The following FGD5 variants were observed in gnomAD, a reference collection of about 807,000 sequenced individuals.
FGD5 encodes the protein FYVE, RhoGEF and PH domain containing 5.
A neutral mutation model predicts 133.4 loss-of-function variants in FGD5; 28 were observed. The ratio of observed to expected loss-of-function variants is 0.21; its 90% CI spans 0.16 to 0.29. FGD5 has a LOEUF of 0.29. Ranked by LOEUF, FGD5 falls within the 10% of genes least tolerant of loss-of-function variation. The pLI is 1.00. For missense variants in FGD5, 1,858 were observed against 1,895.2 expected (o/e 0.98, Z 0.36); for synonymous variants, 810 against 776.5 (o/e 1.04, Z -0.72).
chr3:14,820,775 G>T lies in FGD5; in HGVS notation c.1704G>T (p.Gly568=), dbSNP rs775922938. Residue 568 remains glycine, a synonymous_variant, in exon 1 of 20, where the codon GGG becomes GGT. Coordinates refer to ENST00000285046, the MANE Select transcript of FGD5 (RefSeq NM_152536.4). Reference sequence around the variant, plus strand: ...TGTCCGTGTACCAGGAGCCTGAGGGGTCAGGGTTGGATGACCACAGGATAA... The same window carrying T: ...TGTCCGTGTACCAGGAGCCTGAGGGTTCAGGGTTGGATGACCACAGGATAA... ...IPVSVYQEPE[G]SGLDDHRIKR... 7 of 1,613,746 alleles carry T rather than the reference G, an allele frequency of 4.3e-6. No individual in the cohort carries two copies. Among genetic ancestry groups the T allele is most frequent in the Non-Finnish European group, 5.9e-6 (7 of 1,179,808 alleles).
intron 17 of FGD5, among the ~76,000 whole-genome samples, chr3:14,925,373 C>T (rs1046346845): frequency 2.6e-5 from 4 of 152,106 alleles, no homozygotes; most frequent in Non-Finnish European, 4.4e-5. Flanking sequence ...TCTTAGAGAT[C>T]ATTTCATAAT....
In FGD5 at chr3:14,910,909, C is replaced by G; in HGVS notation, c.3385C>G (p.Arg1129Gly). The G allele has an allele frequency of 6.2e-7, 1 of 1,613,062 alleles. No homozygotes were observed. The highest frequency in any genetic ancestry group is 8.5e-7 in the Non-Finnish European group (1 of 1,179,462). The stretch of plus-strand genomic sequence containing the variant: ...GATGAAAGTAACAGGGAAAAACAGA[C>G]GGCCCCGGCACCTATTTCTGGTAAG... ...TLMKVTGKNR[R>G]PRHLFLMNDV... is the part of the protein sequence containing the mutation. The change falls in exon 11 of 20, where the codon CGG becomes GGG. Residue 1129 changes from arginine (R) to glycine (G), a missense_variant. Physicochemically the swap from Arg to Gly is moderately radical, Grantham distance 125. Around this residue, in one of 3 missense-constraint regions of FGD5, gnomAD observed 1,824 missense variants for 1,848.9 expected, o/e 0.99. Coordinates refer to ENST00000285046, the MANE Select transcript of FGD5 (RefSeq NM_152536.4).
intron 1 of FGD5, among the ~76,000 whole-genome samples, chr3:14,841,561 CT>C (rs34268022): frequency 5.6e-4 from 79 of 140,858 alleles, no homozygotes; most frequent in Non-Finnish European, 5.1e-4. Flanking sequence ...AAGGATCAGG[CT>C]TTTTTTTTTT....
chr3:14,871,699 G>T (rs367722187), intron 2 of FGD5, among the ~76,000 whole-genome samples: 5 of 152,306 alleles, frequency 3.3e-5, no homozygotes, highest in South Asian at 2.1e-4. Context: ...GAGGTCCTTG[G>T]GGGGCTTGAA....
Position 14,821,265 on chromosome 3 carries a change from G to T in FGD5, c.2194G>T (p.Gly732Cys), listed in dbSNP as rs1029149547. 9.9e-6 allele frequency: 16 copies of T among 1,613,834 alleles called. No homozygotes were observed. The highest frequency in any genetic ancestry group is 1.3e-5 in the Non-Finnish European group (15 of 1,179,898). The change falls in exon 1 of 20, where the codon GGT becomes TGT. Residue 732 changes from glycine (G) to cysteine (C), a missense_variant. This residue lies in a region of FGD5 where 1,824 missense variants were observed against 1,848.9 expected (regional missense o/e 0.99). Coordinates refer to ENST00000285046, the MANE Select transcript of FGD5 (RefSeq NM_152536.4). ...LIFYRDGKRKGVPFSRTVSRV... is the reference protein window; with the variant it reads ...LIFYRDGKRKCVPFSRTVSRV... ...CTTTTATAGAGATGGCAAGAGGAAA[G>T]GTGTCCCCTTCAGCAGGACGGTGTC... is the stretch of plus-strand genomic sequence containing the variant.
At chr3:14,860,645 T>C (rs1008066214) in intron 1 of FGD5, among the ~76,000 whole-genome samples, 3 of 152,130 alleles carry the variant, frequency 2.0e-5, no homozygotes, top group Admixed American at 2.0e-4. Context: ...GTCAAACACG[T>C]TATTATAATT....
intron 1 of FGD5, among the ~76,000 whole-genome samples, chr3:14,830,751 G>A (rs1035004646): frequency 6.6e-6 from 1 of 152,170 alleles, no homozygotes; most frequent in Non-Finnish European, 1.5e-5. Flanking sequence ...ATGGGGATGA[G>A]GCTGTCAGGC....
intron 1 of FGD5, among the ~76,000 whole-genome samples, chr3:14,854,171 T>C (rs1233183166): frequency 6.6e-6 from 1 of 152,042 alleles, no homozygotes; most frequent in African/African-American, 2.4e-5. Context: ...AGTGACTCTT[T>C]TCTGTGTGAT....
intron 1 of FGD5, among the ~76,000 whole-genome samples, chr3:14,823,537 C>T (rs1353030283): frequency 6.6e-6 from 1 of 152,144 alleles, no homozygotes; most frequent in Non-Finnish European, 1.5e-5. Context: ...AGTTTTATAG[C>T]TGGAGGAAAC....
chr3:14,871,206 C>T (rs1444720583), intron 2 of FGD5, among the ~76,000 whole-genome samples: 2 of 152,188 alleles, frequency 1.3e-5, no homozygotes, highest in Non-Finnish European at 2.9e-5. Context: ...TGTTTTCTTG[C>T]CCATCGTTTG....
chr3:14,886,292 G>A lies in FGD5; in HGVS notation c.2748+5520G>A, dbSNP rs561956763. Among the ~76,000 whole-genome samples, 3 of 152,256 alleles carry A rather than the reference G, an allele frequency of 2.0e-5. No homozygotes were observed. In the East Asian group the frequency reaches 5.8e-4, roughly 29 times the overall value. On this transcript the variant is annotated intron_variant, in intron 4 of 19. Transcript: ENST00000285046. ...TCAAACTTCTCCTTTCATCTCCTTGGGTACTCCTAGTTGCAGAGGAAGCTG... is the reference window on the plus strand; with the variant it reads ...TCAAACTTCTCCTTTCATCTCCTTGAGTACTCCTAGTTGCAGAGGAAGCTG...
At chr3:14,911,017 G>A (rs2038438460) in intron 11 of FGD5, 88 bp downstream of exon 11, 5 of 1,288,404 alleles carry the variant, frequency 3.9e-6, no homozygotes, top group Admixed American at 4.0e-5. Context: ...AGTGGAATAG[G>A]GTGAGAGGAG....
At chr3:14,879,603 C>T (rs540499594) in intron 2 of FGD5, among the ~76,000 whole-genome samples, 1 of 152,356 alleles carries the variant, frequency 6.6e-6, no homozygotes, top group South Asian at 2.1e-4. Context: ...CTCTTTCAGT[C>T]AACAAAGAGA....
At chr3:14,830,976 A>G (rs1362868154) in intron 1 of FGD5, among the ~76,000 whole-genome samples, 3 of 152,262 alleles carry the variant, frequency 2.0e-5, no homozygotes, top group South Asian at 2.1e-4. Flanking sequence ...AAAAAAATCA[A>G]TGTGATACAA....
rs1287752570 is a variant in FGD5 at position 14,898,843 on chromosome 3, A to G, written c.3154+17A>G. On this transcript the variant is annotated intron_variant, in intron 7 of 19. Coordinates refer to ENST00000285046, the MANE Select transcript of FGD5 (RefSeq NM_152536.4). ...TCCTCACAGGTGGGCCCCACAGGAGATCAATGGGGACTGAGGCGGCAGGGC... is the reference window on the plus strand; with the variant it reads ...TCCTCACAGGTGGGCCCCACAGGAGGTCAATGGGGACTGAGGCGGCAGGGC... 4.5e-6 allele frequency: 7 copies of G among 1,564,616 alleles called. No individual in the cohort carries two copies. Among genetic ancestry groups the G allele is most frequent in the Non-Finnish European group, 5.2e-6 (6 of 1,155,230 alleles).
intron 1 of FGD5, among the ~76,000 whole-genome samples, chr3:14,812,032 A>G (rs149459999): frequency 1.6e-4 from 15 of 93,568 alleles, no homozygotes; most frequent in South Asian, 3.4e-4. Flanking sequence ...GTGTGTGTGT[A>G]TGTATGTGTG....
chr3:14,887,180 G>A (rs1192615303), intron 4 of FGD5, among the ~76,000 whole-genome samples: 1 of 152,192 alleles, frequency 6.6e-6, no homozygotes, highest in Non-Finnish European at 1.5e-5. Flanking sequence ...TGCTTCATGT[G>A]TTTTGGGGCT....
intron 2 of FGD5, among the ~76,000 whole-genome samples, chr3:14,877,606 G>A (rs947939053): frequency 6.6e-6 from 1 of 152,174 alleles, no homozygotes; most frequent in Admixed American, 6.5e-5. Context: ...CCTTGTTTGG[G>A]GGAGGATCCA....
At chr3:14,818,239 G>C (rs1395045436), upstream of FGD5, among the ~76,000 whole-genome samples, 2 of 152,158 alleles carry the variant, frequency 1.3e-5, no homozygotes, top group African/African-American at 4.8e-5. Flanking sequence ...CATGAAATTT[G>C]CATGCCCATG....
Sources: gnomAD v4.1 joint callset for allele counts (sites outside exome capture counted in the v4.1 genomes callset) on GRCh38, gnomAD v4.1.1 for gene constraint, gnomAD v4.1.1 regional missense constraint, MANE v1.5 for transcripts, NCBI Gene and HGNC (gene_info 2026-07-23, HGNC 2026-07-21) for gene names.